SMARCA5: variants seen among roughly 807,000 people sequenced by gnomAD.
SMARCA5 encodes the protein SWI/SNF-related matrix-associated actin-dependent regulator of chromatin subfamily A member 5.
In SMARCA5, 18 loss-of-function variants were observed where a neutral mutation model predicts 140.4. That is an observed-to-expected ratio of 0.13 (90% CI 0.09 to 0.19). The LOEUF (loss-of-function observed/expected upper bound fraction) is 0.19. Ranked by LOEUF, SMARCA5 falls within the 10% of genes least tolerant of loss-of-function variation. The probability of loss-of-function intolerance (pLI) is 1.00; values close to 1 mark genes in which losing one functional copy is unlikely to be tolerated. For missense variants in SMARCA5, 606 were observed against 1,276.8 expected (o/e 0.47, Z 8.01); for synonymous variants, 449 against 419.6 (o/e 1.07, Z -0.86).
chr4:143,514,203 T>C, intron 1 of SMARCA5, 102 bp downstream of exon 1: 1 of 1,080,196 alleles, frequency 9.3e-7, no homozygotes. Flanking sequence ...TTTCTCTCTC[T>C]GCACCAGACT....
intron 20 of SMARCA5, 57 bp downstream of exon 20, chr4:143,546,965 T>C: frequency 6.5e-7 from 1 of 1,545,580 alleles, no homozygotes; most frequent in Non-Finnish European, 8.8e-7. Context: ...AGGTTCTTGT[T>C]TTCTTATTCT....
intron 9 of SMARCA5, among the ~76,000 whole-genome samples, chr4:143,531,545 C>A (rs1737182587): frequency 6.6e-6 from 1 of 152,142 alleles, no homozygotes; most frequent in South Asian, 2.1e-4. Flanking sequence ...TGTATTGTAG[C>A]ATGTTTAATA....
chr4:143,516,953 T>G (rs1401301100), intron 1 of SMARCA5, among the ~76,000 whole-genome samples: 1 of 152,216 alleles, frequency 6.6e-6, no homozygotes, highest in East Asian at 1.9e-4. Context: ...TTGTAGACAT[T>G]TGTGTGGTAG....
intron 3 of SMARCA5, among the ~76,000 whole-genome samples, chr4:143,523,954 A>G: frequency 6.6e-6 from 1 of 152,196 alleles, no homozygotes; most frequent in East Asian, 1.9e-4. Flanking sequence ...GTCACTGCTT[A>G]AATTTCTGAG....
chr4:143,544,911 T>A, intron 17 of SMARCA5, 64 bp downstream of exon 17: 1 of 797,592 alleles, frequency 1.3e-6, no homozygotes, highest in Non-Finnish European at 2.1e-6. Flanking sequence ...TTTTCATATA[T>A]TCTTGCAAAA....
chr4:143,518,253 A>AAT (rs1385487098), intron 2 of SMARCA5, among the ~76,000 whole-genome samples: 1 of 152,186 alleles, frequency 6.6e-6, no homozygotes, highest in Non-Finnish European at 1.5e-5. Context: ...GACTTGACTT[A>AAT]AACAGTACCT....
In SMARCA5 at chr4:143,526,277, T is replaced by C; in HGVS notation, c.622-4T>C. The stretch of plus-strand genomic sequence containing the variant: ...TGCTTCATGGTTATTTTGAAATCTT[T>C]CAGGGCCTAGGAAAGACTCTTCAAA... On this transcript the variant is annotated splice_region_variant and splice_polypyrimidine_tract_variant and intron_variant, in intron 5 of 23. Coordinates refer to ENST00000283131, the MANE Select transcript of SMARCA5 (RefSeq NM_003601.4). The C allele has an allele frequency of 1.2e-6, 2 of 1,611,398 alleles. No homozygotes were observed. Among genetic ancestry groups the C allele is most frequent in the Non-Finnish European group, 1.7e-6 (2 of 1,178,506 alleles).
intron 1 of SMARCA5, among the ~76,000 whole-genome samples, chr4:143,516,997 G>A (rs982689251): frequency 6.6e-6 from 1 of 152,084 alleles, no homozygotes; most frequent in Non-Finnish European, 1.5e-5. Context: ...GACAAAAGGG[G>A]AACTTTTCCC....
rs6818251 is a variant in SMARCA5 at position 143,534,971 on chromosome 4, A to G, written c.1268+7A>G. 1 allele frequency: 1,567,013 copies of G among 1,573,292 alleles called. 780,600 individuals carry two copies. Among genetic ancestry groups the G allele is most frequent in the East Asian group, 1 (44,588 of 44,590 alleles). ...GCAAAATGCAAAGGGAATGGTATGTATTCTCAGATGTACTTGATAGCACTA... is the reference window on the plus strand; with the variant it reads ...GCAAAATGCAAAGGGAATGGTATGTGTTCTCAGATGTACTTGATAGCACTA... On this transcript the variant is annotated splice_region_variant and intron_variant, in intron 10 of 23. Coordinates refer to ENST00000283131, the MANE Select transcript of SMARCA5 (RefSeq NM_003601.4).
At chr4:143,547,052 G>A in intron 20 of SMARCA5, 144 bp downstream of exon 20, 1 of 819,132 alleles carries the variant, frequency 1.2e-6, no homozygotes, top group Non-Finnish European at 1.8e-6. Context: ...ATTAGAAAAT[G>A]TTCTGTTTCC....
chr4:143,530,037 A>G (rs1353651843), intron 8 of SMARCA5, among the ~76,000 whole-genome samples: 1 of 152,198 alleles, frequency 6.6e-6, no homozygotes. Flanking sequence ...GGTAATTTCA[A>G]TTTCATTTAG....
At chr4:143,524,936 T>C (rs1040224042) in intron 4 of SMARCA5, among the ~76,000 whole-genome samples, 14 of 152,132 alleles carry the variant, frequency 9.2e-5, no homozygotes, top group Admixed American at 7.2e-4. Context: ...GTGACCGTTA[T>C]GTATATTTGG....
chr4:143,532,830 G>GTTA (rs1279523738), intron 9 of SMARCA5, among the ~76,000 whole-genome samples: 1 of 152,054 alleles, frequency 6.6e-6, no homozygotes, highest in African/African-American at 2.4e-5. Context: ...TACACTTGGG[G>GTTA]TTATCCAGTT....
At chr4:143,525,251 G>C (rs532735733) in intron 4 of SMARCA5, among the ~76,000 whole-genome samples, 200 bp from the exon 5 acceptor site, 1 of 152,082 alleles carries the variant, frequency 6.6e-6, no homozygotes, top group Admixed American at 6.5e-5. Flanking sequence ...CATGTTTCCC[G>C]CACTTGATTA....
intron 11 of SMARCA5, among the ~76,000 whole-genome samples, 177 bp from the exon 12 acceptor site, chr4:143,538,413 T>C (rs1393336801): frequency 6.6e-6 from 1 of 152,178 alleles, no homozygotes; most frequent in African/African-American, 2.4e-5. Context: ...ATTTGTGCCA[T>C]GGTGAGAAAA....
Position 143,525,434 on chromosome 4 carries a change from T to G in SMARCA5, c.521-17T>G. 6.5e-7 allele frequency: 1 copy of G among 1,528,300 alleles called. No homozygotes were observed. The highest frequency in any genetic ancestry group is 1.1e-5 in the South Asian group (1 of 89,354). The allele number at this position is 1,528,300 out of a possible 1,614,324, so 94.7% of individuals were successfully genotyped here. On this transcript the variant is annotated splice_polypyrimidine_tract_variant and intron_variant, in intron 4 of 23. Coordinates refer to ENST00000283131, the MANE Select transcript of SMARCA5 (RefSeq NM_003601.4). ...TCTTGTCTTAAAATGCCTATTGTGCTTTTCTTTTGTTCTTAGATGTAAAAT... is the reference window on the plus strand; with the variant it reads ...TCTTGTCTTAAAATGCCTATTGTGCGTTTCTTTTGTTCTTAGATGTAAAAT...
chr4:143,548,342 TATG>T (rs1251643857), intron 22 of SMARCA5: 10 of 393,758 alleles, frequency 2.5e-5, no homozygotes, highest in Non-Finnish European at 4.5e-5. Context: ...AATATCACTA[TATG>T]ATAAGACTAG....
intron 1 of SMARCA5, chr4:143,514,317 ATTAT>A (rs1578787180): frequency 7.8e-6 from 4 of 510,404 alleles, no homozygotes; most frequent in African/African-American, 2.0e-5. Context: ...TCACATTTAA[ATTAT>A]TTGTCTCTTT....
intron 23 of SMARCA5, among the ~76,000 whole-genome samples, chr4:143,551,795 A>G (rs1293467158): frequency 1.3e-5 from 2 of 152,078 alleles, no homozygotes; most frequent in Non-Finnish European, 2.9e-5. Flanking sequence ...TACCAGCACC[A>G]TGCTGTTTTG....
Sources: gnomAD v4.1 joint callset for allele counts (sites outside exome capture counted in the v4.1 genomes callset) on GRCh38, gnomAD v4.1.1 for gene constraint, MANE v1.5 for transcripts, NCBI Gene and HGNC (gene_info 2026-07-23, HGNC 2026-07-21) for gene names.